The following PRH1 variants were observed in gnomAD, a reference collection of about 807,000 sequenced individuals.
The protein encoded by PRH1 is salivary acidic proline-rich phosphoprotein 1/2.
A neutral mutation model predicts 7.9 loss-of-function variants in PRH1; 7 were observed. The ratio of observed to expected loss-of-function variants is 0.89; its 90% CI spans 0.50 to 1.67. The LOEUF (loss-of-function observed/expected upper bound fraction) is 1.67, where lower values mean the gene tolerates loss of function less well. PRH1 is among the 40% of genes most tolerant of loss of function. PRH1 has a pLI of 0.00. For missense variants in PRH1, 109 were observed against 223.6 expected, an observed-to-expected ratio of 0.49 and a Z score of 3.27; for synonymous variants, 45 against 80.8, an observed-to-expected ratio of 0.56 and a Z score of 2.38.
chr12:11,121,139 G>A (rs1207596666), exon 2 of PRH1: 1 of 152,912 alleles, frequency 6.5e-6, no homozygotes, highest in Non-Finnish European at 1.5e-5. Context: ...GCACCTTCTT[G>A]TCACATGTGC....
At chr12:11,004,831 A>G (rs939643340) in intron 1 of PRH1, among the ~76,000 whole-genome samples, 3 of 152,130 alleles carry the variant, frequency 2.0e-5, no homozygotes, top group Non-Finnish European at 4.4e-5. Flanking sequence ...AAATTTCAGG[A>G]TTGTTTAACA....
At chr12:10,921,204 G>T (rs1195820195) in intron 2 of PRH1, among the ~76,000 whole-genome samples, 1 of 151,880 alleles carries the variant, frequency 6.6e-6, no homozygotes, top group African/African-American at 2.4e-5. Flanking sequence ...TAAAATAAAT[G>T]AGAATAAAAC....
At chr12:11,137,529 TA>T in intron 1 of PRH1, among the ~76,000 whole-genome samples, 1 of 152,214 alleles carries the variant, frequency 6.6e-6, no homozygotes, top group Non-Finnish European at 1.5e-5. Flanking sequence ...AGCTTGCTCA[TA>T]AAATGTGCTA....
intron 2 of PRH1, chr12:10,908,866 G>T (rs1949849543): frequency 1.9e-6 from 3 of 1,612,872 alleles, no homozygotes; most frequent in East Asian, 2.2e-5. Flanking sequence ...ATTTGTATCA[G>T]ATTTAAAAAT....
intron 1 of PRH1, chr12:10,997,903 T>G (rs1416641630): frequency 6.6e-7 from 1 of 1,508,612 alleles, no homozygotes; most frequent in Non-Finnish European, 9.0e-7. Flanking sequence ...AGTAAAAAAT[T>G]CAGGCCTAAT....
At chr12:11,024,908 T>G (rs1941832246) in intron 1 of PRH1, among the ~76,000 whole-genome samples, 1 of 152,250 alleles carries the variant, frequency 6.6e-6, no homozygotes, top group East Asian at 1.9e-4. Context: ...CTCCAGCCTC[T>G]TTATTGCTAT....
At chr12:11,019,995 C>T (rs1487922459) in intron 1 of PRH1, among the ~76,000 whole-genome samples, 1 of 152,280 alleles carries the variant, frequency 6.6e-6, no homozygotes, top group Non-Finnish European at 1.5e-5. Flanking sequence ...TTTTGACGTT[C>T]CACCTTGTCT....
intron 2 of PRH1, among the ~76,000 whole-genome samples, chr12:10,911,166 C>T (rs1395446878): frequency 1.3e-5 from 2 of 152,106 alleles, no homozygotes; most frequent in African/African-American, 4.8e-5. Context: ...GTTCTTCCTA[C>T]CTATCTAGAG....
Position 11,096,788 on chromosome 12 carries a change from G to GT in PRH1, n.124-49601dup, listed in dbSNP as rs368210622. Reference sequence around the variant, plus strand: ...ATTATTTAAATTTTATGCGGTTTTTGTTTTTTTTGTTGTTGTTGTTGTTGT... The same window carrying GT: ...ATTATTTAAATTTTATGCGGTTTTTGTTTTTTTTTGTTGTTGTTGTTGTTGT... On this transcript the variant is annotated intron_variant and non_coding_transcript_variant, in intron 1 of 4. Coordinates refer to the PRH1 transcript ENST00000541977. 4.3e-4 allele frequency among the ~76,000 whole-genome samples: 48 copies of GT among 112,726 alleles called. 11 individuals are homozygous for GT. The highest frequency in any genetic ancestry group is 7.2e-4 in the South Asian group (3 of 4,144). The allele number at this position is 112,726 out of a possible 152,430, so 74.0% of individuals were successfully genotyped here. A position where few individuals can be genotyped will look rare whatever the true frequency, so the allele number is the denominator to read the frequency against.
At chr12:11,069,951 T>A (rs79789894) in intron 1 of PRH1, among the ~76,000 whole-genome samples, 2 of 151,522 alleles carry the variant, frequency 1.3e-5, no homozygotes, top group Admixed American at 1.3e-4. Context: ...AGCCATTTCC[T>A]AGATAAACAG....
At chr12:11,114,588 GCACATGTA>G (rs1316331033) in intron 1 of PRH1, among the ~76,000 whole-genome samples, 2 of 152,076 alleles carry the variant, frequency 1.3e-5, no homozygotes, top group African/African-American at 4.8e-5. Context: ...AACCACCATG[GCACATGTA>G]CACCGATGTA....
chr12:11,070,042 T>C (rs1408381803), intron 1 of PRH1, among the ~76,000 whole-genome samples: 3 of 152,110 alleles, frequency 2.0e-5, no homozygotes, highest in Non-Finnish European at 4.4e-5. Context: ...TAGTCAGGCA[T>C]GAGTGGGGCA....
At chr12:10,935,165 C>T (rs1950269110) in intron 2 of PRH1, among the ~76,000 whole-genome samples, 1 of 152,036 alleles carries the variant, frequency 6.6e-6, no homozygotes, top group South Asian at 2.1e-4. Context: ...TTGCAAGTTC[C>T]CGTATACACA....
intron 1 of PRH1, among the ~76,000 whole-genome samples, chr12:11,015,967 C>A (rs1300707363): frequency 8.1e-5 from 6 of 73,710 alleles, no homozygotes; most frequent in African/African-American, 1.8e-4. Flanking sequence ...CAAGACAGAT[C>A]TCTTCTGAGA....
chr12:11,022,765 AG>A, intron 1 of PRH1: 1 of 564,092 alleles, frequency 1.8e-6, no homozygotes, highest in South Asian at 2.6e-5. Context: ...TTATAGAAAT[AG>A]AAAAGGTCAT....
intron 2 of PRH1, among the ~76,000 whole-genome samples, chr12:10,943,869 T>A (rs1950443219): frequency 6.6e-6 from 1 of 152,178 alleles, no homozygotes; most frequent in South Asian, 2.1e-4. Flanking sequence ...TGTCAAAGAT[T>A]AGATAGTCAT....
chr12:10,936,604 C>T (rs1950292759), intron 2 of PRH1, among the ~76,000 whole-genome samples: 1 of 152,134 alleles, frequency 6.6e-6, no homozygotes, highest in Non-Finnish European at 1.5e-5. Context: ...CCCCCAGTTA[C>T]CAGGCAACCA....
intron 1 of PRH1, among the ~76,000 whole-genome samples, chr12:11,039,377 A>G (rs1256793110): frequency 6.6e-6 from 1 of 152,280 alleles, no homozygotes; most frequent in Non-Finnish European, 1.5e-5. Flanking sequence ...TATGGAAAAT[A>G]TGATAATTTC....
chr12:10,947,264 T>G (rs972658165), intron 2 of PRH1, among the ~76,000 whole-genome samples: 1 of 152,228 alleles, frequency 6.6e-6, no homozygotes, highest in African/African-American at 2.4e-5. Flanking sequence ...AGTGTATGTC[T>G]ATTTGTAGGT....
Sources: allele counts gnomAD v4.1 joint callset (sites outside exome capture counted in the v4.1 genomes callset), GRCh38; gene constraint gnomAD v4.1.1; transcripts MANE v1.5; gene names NCBI Gene and HGNC (gene_info 2026-07-23, HGNC 2026-07-21).